Variants in TMEM135 observed in about 807,000 individuals in gnomAD.
The protein encoded by TMEM135 is peroxisomal membrane protein 52.
A neutral mutation model predicts 60.3 loss-of-function variants in TMEM135; 30 were observed. The ratio of observed to expected loss-of-function variants is 0.50; its 90% CI spans 0.37 to 0.68. TMEM135 has a LOEUF of 0.68. Ranked by LOEUF, TMEM135 falls within the 30% of genes least tolerant of loss-of-function variation. The pLI, the probability that TMEM135 is intolerant of heterozygous loss-of-function variation, is 0.00. For missense variants in TMEM135, 468 were observed against 548.8 expected (o/e 0.85, Z 1.47); for synonymous variants, 190 against 186.7 (o/e 1.02, Z -0.14).
chr11:87,153,984 T>C (rs1938626937), intron 4 of TMEM135, among the ~76,000 whole-genome samples: 1 of 152,206 alleles, frequency 6.6e-6, no homozygotes, highest in African/African-American at 2.4e-5. Context: ...GTAAAATATA[T>C]ACAATGTTAA....
Position 87,326,873 on chromosome 11 carries a change from T to G in TMEM135, c.*5540T>G, listed in dbSNP as rs1447468008. On this transcript the variant is annotated 3_prime_UTR_variant, in exon 15 of 15. Transcript: ENST00000305494. Reference sequence around the variant, plus strand: ...AGAACCAAAGGGCAGGATAAATAAATCTATGAAACTAGAGGCATCATTGAA... The same window carrying G: ...AGAACCAAAGGGCAGGATAAATAAAGCTATGAAACTAGAGGCATCATTGAA... 2.2e-6 allele frequency: 1 copy of G among 450,826 alleles called. No individual in the cohort carries two copies. Among genetic ancestry groups the G allele is most frequent in the Admixed American group, 2.4e-5 (1 of 42,122 alleles). 27.9% of individuals were successfully genotyped at this position (450,826 alleles called of 1,614,324 possible). A position where few individuals can be genotyped will look rare whatever the true frequency, so the allele number is the denominator to read the frequency against.
intron 5 of TMEM135, among the ~76,000 whole-genome samples, chr11:87,185,308 T>A (rs1939622387): frequency 6.6e-6 from 1 of 152,188 alleles, no homozygotes; most frequent in African/African-American, 2.4e-5. Flanking sequence ...TCCAGTTAGT[T>A]AAGATCTTAA....
Position 87,170,905 on chromosome 11 carries a change from A to C in TMEM135, c.462+13499A>C, listed in dbSNP as rs1193871256. On this transcript the variant is annotated intron_variant, in intron 5 of 14. Coordinates refer to ENST00000305494, the MANE Select transcript of TMEM135 (RefSeq NM_022918.4). The stretch of plus-strand genomic sequence containing the variant: ...CTGGGCCCACAGCCTCCTCTTCCCC[A>C]GGTTTTCTGTCCCAGGCAGATGGGA... Among the ~76,000 whole-genome samples the C allele has an allele frequency of 3.9e-5, 6 of 152,204 alleles. No homozygotes were observed. The South Asian group carries it at 1.2e-3, about 32-fold the overall frequency.
chr11:87,059,335 C>T (rs1175538095), intron 1 of TMEM135, among the ~76,000 whole-genome samples: 3 of 145,554 alleles, frequency 2.1e-5, no homozygotes, highest in Non-Finnish European at 3.0e-5. Context: ...GATGGAGTCT[C>T]GCTCTGTTGC....
intron 6 of TMEM135, among the ~76,000 whole-genome samples, chr11:87,275,294 T>G (rs1941948250): frequency 6.6e-6 from 1 of 152,184 alleles, no homozygotes; most frequent in Non-Finnish European, 1.5e-5. Flanking sequence ...CAAAGTGAGA[T>G]GCAGAAAAAG....
intron 7 of TMEM135, among the ~76,000 whole-genome samples, chr11:87,297,188 A>G (rs547259828): frequency 1.3e-5 from 2 of 152,316 alleles, no homozygotes; most frequent in South Asian, 4.1e-4. Context: ...ATGAGTGAAA[A>G]TGAGGACTGA....
At chr11:87,188,668 C>G (rs1231662003) in intron 5 of TMEM135, among the ~76,000 whole-genome samples, 1 of 149,636 alleles carries the variant, frequency 6.7e-6, no homozygotes, top group Non-Finnish European at 1.5e-5. Flanking sequence ...CGCGCCATTG[C>G]ACTCCAGCCT....
At chr11:87,315,403 T>G (rs1242260787) in intron 12 of TMEM135, among the ~76,000 whole-genome samples, 1 of 151,954 alleles carries the variant, frequency 6.6e-6, no homozygotes. Flanking sequence ...TTACTGTGTA[T>G]GTGAACTTCC....
chr11:87,087,289 T>A (rs1347311245), intron 3 of TMEM135, among the ~76,000 whole-genome samples: 26 of 92,664 alleles, frequency 2.8e-4, no homozygotes, highest in Non-Finnish European at 4.2e-4. Context: ...GGTCTTATTT[T>A]CAAAAAAAAA....
chr11:87,046,856 A>C (rs977617667), intron 1 of TMEM135, among the ~76,000 whole-genome samples: 1 of 152,134 alleles, frequency 6.6e-6, no homozygotes, highest in Non-Finnish European at 1.5e-5. Flanking sequence ...GAGTTTTGAG[A>C]GGTATTGTAA....
chr11:87,151,862 G>T (rs1938563794), intron 4 of TMEM135, among the ~76,000 whole-genome samples: 2 of 152,138 alleles, frequency 1.3e-5, no homozygotes, highest in Admixed American at 1.3e-4. Flanking sequence ...TGTATGGTTT[G>T]ACTTAATATC....
At chr11:87,098,543 A>G (rs1389741754) in intron 4 of TMEM135, among the ~76,000 whole-genome samples, 3 of 152,166 alleles carry the variant, frequency 2.0e-5, no homozygotes, top group African/African-American at 7.2e-5. Flanking sequence ...GAATCCAGAA[A>G]AATAAATAAC....
intron 1 of TMEM135, among the ~76,000 whole-genome samples, chr11:87,063,428 G>A (rs1196425116): frequency 6.6e-6 from 1 of 152,170 alleles, no homozygotes; most frequent in African/African-American, 2.4e-5. Flanking sequence ...ATTATAAAAT[G>A]TGATGTTTCT....
At chr11:87,088,055 A>G (rs117629851) in intron 3 of TMEM135, among the ~76,000 whole-genome samples, 10,674 of 152,106 alleles carry the variant, frequency 0.07, 537 homozygotes, top group Non-Finnish European at 0.11. Context: ...GACTTTTTAA[A>G]GCTGAGCCCA....
At chr11:87,136,998 A>G (rs909850636) in intron 4 of TMEM135, among the ~76,000 whole-genome samples, 2 of 151,994 alleles carry the variant, frequency 1.3e-5, no homozygotes, top group African/African-American at 4.8e-5. Context: ...GATCAAGTTG[A>G]TTAATAGTAT....
chr11:87,121,008 C>T (rs1326148999), intron 4 of TMEM135: 1 of 152,100 alleles, frequency 6.6e-6, no homozygotes, highest in African/African-American at 2.4e-5. Context: ...ATGTAGGTAC[C>T]ATTCAATATG....
intron 5 of TMEM135, among the ~76,000 whole-genome samples, chr11:87,223,922 A>T (rs1041136456): frequency 2.0e-5 from 3 of 152,240 alleles, no homozygotes; most frequent in African/African-American, 7.2e-5. Flanking sequence ...TGAAGAAATG[A>T]TAACGGGAAC....
chr11:87,163,032 T>C (rs1938932114), intron 5 of TMEM135, among the ~76,000 whole-genome samples: 1 of 151,090 alleles, frequency 6.6e-6, no homozygotes, highest in Non-Finnish European at 1.5e-5. Flanking sequence ...TTTTTTTTAA[T>C]TTTTTTATTT....
In TMEM135 at chr11:87,077,444, A is replaced by G. The variant is rs1216805090; in HGVS notation, c.362+5829A>G. ...GTTTTTGGCTGCTCCATCCATGGAC[A>G]TGGTTTATCTCTCCATTTAATTAGA... is the stretch of plus-strand genomic sequence containing the variant. On this transcript the variant is annotated intron_variant, in intron 3 of 14. Coordinates refer to ENST00000305494, the MANE Select transcript of TMEM135 (RefSeq NM_022918.4). 2.0e-5 allele frequency among the ~76,000 whole-genome samples: 3 copies of G among 152,348 alleles called. No individual in the cohort carries two copies. In the South Asian group the frequency reaches 6.2e-4, roughly 32 times the overall value.
Sources: allele counts gnomAD v4.1 joint callset (sites outside exome capture counted in the v4.1 genomes callset), GRCh38; gene constraint gnomAD v4.1.1; transcripts MANE v1.5; gene names NCBI Gene and HGNC (gene_info 2026-07-23, HGNC 2026-07-21).